Variants in MYO16 observed in about 807,000 individuals in gnomAD.
The protein encoded by MYO16 is unconventional myosin-XVI.
A neutral mutation model predicts 205.3 loss-of-function variants in MYO16; 94 were observed. The observed-to-expected ratio is 0.46, with a 90% confidence interval of 0.39 to 0.54. The LOEUF (loss-of-function observed/expected upper bound fraction) is 0.54. MYO16 is among the 20% of genes least tolerant of loss of function. MYO16 has a pLI of 0.00. For synonymous variants in MYO16, 988 were observed against 954.0 expected, an observed-to-expected ratio of 1.04 and a Z score of -0.66; for missense variants, 2,315 against 2,387.5, an observed-to-expected ratio of 0.97 and a Z score of 0.63.
At chr13:108,632,540 G>T (rs1045499182) in intron 1 of MYO16, among the ~76,000 whole-genome samples, 1 of 152,088 alleles carries the variant, frequency 6.6e-6, no homozygotes, top group Admixed American at 6.6e-5. Context: ...AAAATTATAC[G>T]CTTCAAGGTC....
At chr13:109,076,539 A>G (rs1183427283) in intron 27 of MYO16, among the ~76,000 whole-genome samples, 1 of 152,122 alleles carries the variant, frequency 6.6e-6, no homozygotes, top group Non-Finnish European at 1.5e-5. Context: ...AAGGACATGA[A>G]ACTCCTGACG....
chr13:108,616,667 C>G (rs1286402733), intron 1 of MYO16, among the ~76,000 whole-genome samples: 2 of 152,032 alleles, frequency 1.3e-5, no homozygotes, highest in African/African-American at 2.4e-5. Context: ...CCTTACTGCT[C>G]TAAGTGCATT....
intron 24 of MYO16, 47 bp from the exon 25 acceptor site, chr13:109,052,253 G>A (rs1887268051): frequency 1.3e-6 from 2 of 1,507,704 alleles, no homozygotes; most frequent in Non-Finnish European, 1.8e-6. Context: ...CAATGCTTAA[G>A]TAATAATTTT....
intron 2 of MYO16, among the ~76,000 whole-genome samples, chr13:108,668,537 G>A (rs1252201737): frequency 6.6e-6 from 1 of 152,170 alleles, no homozygotes; most frequent in Non-Finnish European, 1.5e-5. Flanking sequence ...AAAACAAGGT[G>A]TCATCAGCAC....
intron 2 of MYO16, among the ~76,000 whole-genome samples, chr13:108,696,376 C>CTT (rs1566555727): frequency 6.6e-6 from 1 of 152,132 alleles, no homozygotes; most frequent in Admixed American, 6.5e-5. Flanking sequence ...GTATGGTATA[C>CTT]TTATATAATG....
At chr13:108,704,805 A>C (rs1883442011) in intron 2 of MYO16, among the ~76,000 whole-genome samples, 1 of 152,092 alleles carries the variant, frequency 6.6e-6, no homozygotes, top group Non-Finnish European at 1.5e-5. Context: ...ATCCAATGCC[A>C]ATAAAAGGAA....
intron 27 of MYO16, among the ~76,000 whole-genome samples, chr13:109,082,059 T>G (rs1285995583): frequency 6.6e-6 from 1 of 152,244 alleles, no homozygotes; most frequent in Non-Finnish European, 1.5e-5. Flanking sequence ...AGTTGCTATC[T>G]GGCTCTTTAG....
intron 1 of MYO16, among the ~76,000 whole-genome samples, chr13:108,617,860 C>T (rs186990436): frequency 3.3e-5 from 5 of 152,166 alleles, no homozygotes; most frequent in Admixed American, 1.3e-4. Flanking sequence ...CCCAGATAAT[C>T]GATTGTCTTT....
intron 16 of MYO16, among the ~76,000 whole-genome samples, chr13:108,914,191 T>C (rs1881387059): frequency 6.7e-6 from 1 of 148,974 alleles, no homozygotes; most frequent in African/African-American, 2.4e-5. Flanking sequence ...GATAATTATA[T>C]CTACTATTGT....
intron 1 of MYO16, among the ~76,000 whole-genome samples, chr13:108,601,406 C>CAT (rs1878757802): frequency 6.6e-6 from 1 of 152,048 alleles, no homozygotes; most frequent in African/African-American, 2.4e-5. Flanking sequence ...TTTTAAATCA[C>CAT]ATATATATAA....
the MYO16 span, among the ~76,000 whole-genome samples, chr13:108,550,239 T>G: frequency 6.6e-6 from 1 of 152,260 alleles, no homozygotes; most frequent in Non-Finnish European, 1.5e-5. Flanking sequence ...GTCAGCCATT[T>G]GGCAGCTGAG....
At chr13:108,682,927 G>C (rs190140238) in intron 2 of MYO16, among the ~76,000 whole-genome samples, 1 of 152,282 alleles carries the variant, frequency 6.6e-6, no homozygotes, top group Admixed American at 6.5e-5. Flanking sequence ...ATCCCTGCTG[G>C]CAACGTGCCT....
At chr13:109,023,339 ATATT>A (rs1277769448) in intron 23 of MYO16, among the ~76,000 whole-genome samples, 3 of 62,380 alleles carry the variant, frequency 4.8e-5, no homozygotes, top group Non-Finnish European at 8.3e-5. Flanking sequence ...ATATAAATAT[ATATT>A]TATATATTAT....
At chr13:108,552,156 GGA>G in the MYO16 span, among the ~76,000 whole-genome samples, 1 of 152,132 alleles carries the variant, frequency 6.6e-6, no homozygotes, top group East Asian at 1.9e-4. Flanking sequence ...TTCCTCTATG[GGA>G]GAGCAAGGTC....
rs377214022 is a variant in MYO16, at chr13:109,125,329, C to T, written c.3753C>T (p.Val1251=). The T allele has an allele frequency of 1.9e-6, 3 of 1,613,902 alleles. No homozygotes were observed. The highest frequency in any genetic ancestry group is 1.3e-5 in the African/African-American group (1 of 74,878). The change falls in exon 30 of 35, where the codon GTC becomes GTT. Residue 1251 remains valine, a synonymous_variant. Coordinates refer to ENST00000457511, the MANE Select transcript of MYO16 (RefSeq NM_001198950.3). This position sits in a 1 kb window ranked among gnomAD's most constrained non-coding sequence, Gnocchi z 4.0. ...NAPYHKEKLE[V]RNMQEEGSKR... ...CCTACCATAAAGAGAAGTTAGAGGTCAGGAACATGCAAGAGGAAGGAAGCA... is the reference window on the plus strand; with the variant it reads ...CCTACCATAAAGAGAAGTTAGAGGTTAGGAACATGCAAGAGGAAGGAAGCA...
chr13:108,984,857 C>G (rs956294089), intron 20 of MYO16, among the ~76,000 whole-genome samples: 1 of 152,176 alleles, frequency 6.6e-6, no homozygotes, highest in East Asian at 1.9e-4. Flanking sequence ...GGCATGAGAT[C>G]TCTTAAAGAT....
At chr13:108,685,495 A>G (rs1882641548) in intron 2 of MYO16, among the ~76,000 whole-genome samples, 1 of 152,230 alleles carries the variant, frequency 6.6e-6, no homozygotes, top group South Asian at 2.1e-4. Flanking sequence ...TGTGGACACA[A>G]CACCTACGCA....
chr13:108,528,563 T>C, the MYO16 span, among the ~76,000 whole-genome samples: 149 of 63,290 alleles, frequency 2.4e-3, no homozygotes, highest in African/African-American at 9.5e-3. Flanking sequence ...TCTCCTCTCC[T>C]CTCCTCTCCC....
intron 12 of MYO16, among the ~76,000 whole-genome samples, chr13:108,868,917 CAAAA>C (rs34882433): frequency 7.2e-6 from 1 of 138,332 alleles, no homozygotes. Context: ...GAGACTCTGT[CAAAA>C]AAAAAAAAAA....
Sources: allele counts gnomAD v4.1 joint callset (sites outside exome capture counted in the v4.1 genomes callset), GRCh38; gene constraint gnomAD v4.1.1; non-coding constraint Gnocchi (gnomAD v3.1); transcripts MANE v1.5; gene names NCBI Gene and HGNC (gene_info 2026-07-23, HGNC 2026-07-21).